The following FGF20 variants were observed in gnomAD, a reference collection of about 807,000 sequenced individuals.
FGF20 encodes the protein fibroblast growth factor 20.
FGF20 carries 8 observed loss-of-function variants against 16.7 expected under a neutral mutation model. The ratio of observed to expected loss-of-function variants is 0.48; its 90% confidence interval spans 0.28 to 0.87. The LOEUF (loss-of-function observed/expected upper bound fraction) is 0.87. Ranked by LOEUF, FGF20 falls within the 40% of genes least tolerant of loss-of-function variation. The probability of loss-of-function intolerance (pLI) is 0.10; values close to 1 mark genes in which losing one functional copy is unlikely to be tolerated. For missense variants in FGF20, 397 were observed against 281.4 expected (o/e 1.41, Z -2.94); for synonymous variants, 161 against 118.6 (o/e 1.36, Z -2.32).
At chr8:16,999,471 CT>C (rs201512008) in intron 1 of FGF20, among the ~76,000 whole-genome samples, 336 of 144,536 alleles carry the variant, frequency 2.3e-3, no homozygotes, top group South Asian at 8.9e-3. Flanking sequence ...TAAAAGAGGC[CT>C]TTTTTTTTCT....
rs1809965865 is a variant in FGF20 at position 16,993,443 on chromosome 8, G to C, written c.391-126C>G. On this transcript the variant is annotated intron_variant, in intron 2 of 2. Transcript: ENST00000180166. ...GAAAGAAAAAGGTTAAATTGGTTTT[G>C]CTTTATTTTGTTTTAGTTCATATGT... 11 of 1,014,688 alleles carry C rather than the reference G, an allele frequency of 1.1e-5. No individual in the cohort carries two copies. The Admixed American group carries it at 1.3e-4, about 12-fold the overall frequency. The allele number at this position is 1,014,688 out of a possible 1,614,324, so 62.9% of individuals were successfully genotyped here.
chr8:17,001,686 GA>G, intron 1 of FGF20, 60 bp downstream of exon 1: 2 of 1,484,238 alleles, frequency 1.3e-6, no homozygotes, highest in Non-Finnish European at 1.8e-6. Flanking sequence ...GGTGCAAGGG[GA>G]GGGAACGAGG....
In FGF20 at chr8:16,995,667, T is replaced by C. The variant is rs1300008045; in HGVS notation, c.378A>G (p.Glu126=). The part of the protein sequence containing the change: ...GLYLGMNDKG[E]LYGSEKLTSE... ...AAATAATACGTACTGATCCATAGAG[T>C]TCTCCTTTGTCATTCATTCCAAGAT... is the stretch of plus-strand genomic sequence containing the variant. The change falls in exon 2 of 3, where the codon GAA becomes GAG. Residue 126 remains glutamate (E), a synonymous_variant. Transcript: ENST00000180166. 1 of 1,544,654 alleles carries C rather than the reference T, an allele frequency of 6.5e-7. No individual in the cohort carries two copies. The highest frequency in any genetic ancestry group is 1.1e-5 in the South Asian group (1 of 87,636).
chr8:16,994,458 A>T (rs114002081), intron 2 of FGF20, among the ~76,000 whole-genome samples: 49 of 122,918 alleles, frequency 4.0e-4, no homozygotes, highest in African/African-American at 1.4e-3. Flanking sequence ...CAAAATACAC[A>T]TGAAGATTGT....
rs747943357 is a variant in FGF20 at position 16,993,083 on chromosome 8, T to G, written c.625A>C (p.Met209Leu). 2 of 1,613,986 alleles carry G rather than the reference T, an allele frequency of 1.2e-6. No homozygotes were observed. The highest frequency in any genetic ancestry group is 3.3e-5 in the Admixed American group (2 of 60,006). The change falls in exon 3 of 3, where the codon ATG becomes CTG. Residue 209 changes from methionine to leucine, a missense_variant. Physicochemically the swap from Met to Leu is conservative, Grantham distance 15 (BLOSUM62 2). Coordinates refer to ENST00000180166, the MANE Select transcript of FGF20 (RefSeq NM_019851.3). Reference sequence around the variant, plus strand: ...GTCACTATCGCACTTCAAGTGTACATCAGTAGGTCCTTGTACAATTCTGGA... The same window carrying G: ...GTCACTATCGCACTTCAAGTGTACAGCAGTAGGTCCTTGTACAATTCTGGA... The part of the protein sequence containing the change: ...RVPELYKDLL[M>L]YT
At chr8:16,999,593 G>A (rs1272671306) in intron 1 of FGF20, among the ~76,000 whole-genome samples, 5 of 143,558 alleles carry the variant, frequency 3.5e-5, no homozygotes, top group Admixed American at 2.2e-4. Context: ...TGTGATCTTG[G>A]CTCACTGCAA....
At chr8:16,998,980 A>G (rs567233663) in intron 1 of FGF20, among the ~76,000 whole-genome samples, 5 of 152,208 alleles carry the variant, frequency 3.3e-5, no homozygotes, top group Admixed American at 3.3e-4. Flanking sequence ...AGTTTAAAAA[A>G]CATAATAATT....
At chr8:16,998,841 T>C (rs1349263827) in intron 1 of FGF20, among the ~76,000 whole-genome samples, 2 of 150,374 alleles carry the variant, frequency 1.3e-5, no homozygotes, top group Non-Finnish European at 3.0e-5. Flanking sequence ...GAAAACTCCA[T>C]CATAAATACA....
intron 2 of FGF20, among the ~76,000 whole-genome samples, chr8:16,994,822 C>T (rs536455692): frequency 3.9e-5 from 6 of 152,264 alleles, no homozygotes; most frequent in Admixed American, 3.9e-4. Flanking sequence ...TACTGGCATA[C>T]ATTTTTATCT....
At chr8:16,999,470 C>T (rs1810131714) in intron 1 of FGF20, among the ~76,000 whole-genome samples, 1 of 150,518 alleles carries the variant, frequency 6.6e-6, no homozygotes, top group Admixed American at 6.6e-5. Flanking sequence ...GTAAAAGAGG[C>T]CTTTTTTTTT....
chr8:16,995,256 C>T (rs1810016123), intron 2 of FGF20, among the ~76,000 whole-genome samples: 1 of 152,038 alleles, frequency 6.6e-6, no homozygotes, highest in Admixed American at 6.5e-5. Flanking sequence ...AAGTAAGTGA[C>T]GTATATTTAG....
intron 1 of FGF20, among the ~76,000 whole-genome samples, 191 bp downstream of exon 1, chr8:17,001,556 A>G (rs1810183568): frequency 6.6e-6 from 1 of 152,062 alleles, no homozygotes. Context: ...CCAGCAGGAA[A>G]ATTTCTCCCC....
intron 1 of FGF20, among the ~76,000 whole-genome samples, chr8:16,998,959 G>C (rs1347691259): frequency 1.3e-5 from 2 of 151,852 alleles, no homozygotes; most frequent in Non-Finnish European, 2.9e-5. Flanking sequence ...CACTCTGATA[G>C]CAAAGATAGG....
intron 1 of FGF20, among the ~76,000 whole-genome samples, chr8:16,999,715 T>G (rs28711202): frequency 6.7e-6 from 1 of 149,026 alleles, no homozygotes; most frequent in Non-Finnish European, 1.5e-5. Flanking sequence ...GTATTTTTTG[T>G]ATTTTTAGTA....
chr8:17,000,301 A>T (rs1311304208), intron 1 of FGF20, among the ~76,000 whole-genome samples: 1 of 152,238 alleles, frequency 6.6e-6, no homozygotes, highest in Non-Finnish European at 1.5e-5. Flanking sequence ...GGTTTTAAAA[A>T]GTTAATTTTC....
At position 16,992,902 on chromosome 8, in the gene FGF20, G is replaced by T; in HGVS notation, c.*170C>A. ...AAAGAGTGATCATGATCTATTTCTA[G>T]TCAAAATTTTTTTTGGTTTTTTTTC... On this transcript the variant is annotated 3_prime_UTR_variant, in exon 3 of 3. Transcript: ENST00000180166. 1.4e-6 allele frequency: 1 copy of T among 719,120 alleles called. No homozygotes were observed. The highest frequency in any genetic ancestry group is 2.2e-6 in the Non-Finnish European group (1 of 447,926). 44.5% of individuals were successfully genotyped at this position (719,120 alleles called of 1,614,324 possible). A position where few individuals can be genotyped will look rare whatever the true frequency, so the allele number is the denominator to read the frequency against.
In FGF20 at chr8:17,002,190, G is replaced by A. The variant is rs1441657702; in HGVS notation, c.-158C>T. On this transcript the variant is annotated 5_prime_UTR_variant, in exon 1 of 3. Transcript: ENST00000180166. ...TCCGGAGGGACTTTGCACTGAAATGGCAGGGAAGCTCTCACTGTCTTGGAG... is the reference window on the plus strand; with the variant it reads ...TCCGGAGGGACTTTGCACTGAAATGACAGGGAAGCTCTCACTGTCTTGGAG... The A allele has an allele frequency of 5.3e-5, 34 of 647,140 alleles. No individual in the cohort carries two copies. The highest frequency in any genetic ancestry group is 7.7e-5 in the Non-Finnish European group (33 of 428,568). The allele number at this position is 647,140 out of a possible 1,614,324, so 40.1% of individuals were successfully genotyped here. A position where few individuals can be genotyped will look rare whatever the true frequency, so the allele number is the denominator to read the frequency against.
chr8:16,995,623 C>A, intron 2 of FGF20, 32 bp downstream of exon 2: 2 of 939,654 alleles, frequency 2.1e-6, no homozygotes, highest in South Asian at 2.0e-5. Context: ...TTAAGAATTA[C>A]AATAATAATA....
chr8:16,995,103 G>T (rs1459651823), intron 2 of FGF20, among the ~76,000 whole-genome samples: 1 of 152,158 alleles, frequency 6.6e-6, no homozygotes, highest in Non-Finnish European at 1.5e-5. Context: ...CTTAAAAATT[G>T]CCCGATACAA....
Sources: gnomAD v4.1 joint callset for allele counts (sites outside exome capture counted in the v4.1 genomes callset) on GRCh38, gnomAD v4.1.1 for gene constraint, MANE v1.5 for transcripts, NCBI Gene and HGNC (gene_info 2026-07-23, HGNC 2026-07-21) for gene names.